Variants in DTX2 observed in about 807,000 individuals in gnomAD.
DTX2 encodes probable E3 ubiquitin-protein ligase DTX2.
Under a neutral mutation model 55.3 loss-of-function variants are expected in DTX2, and 29 were observed. The ratio of observed to expected loss-of-function variants is 0.52; its 90% CI spans 0.39 to 0.71. DTX2 has a LOEUF of 0.71. Among genes scored for constraint, DTX2 ranks in the 30% least tolerant of loss-of-function variants. The pLI is 0.00. For missense variants in DTX2, 537 were observed against 822.5 expected, an observed-to-expected ratio of 0.65 and a Z score of 4.25; for synonymous variants, 276 against 340.4, an observed-to-expected ratio of 0.81 and a Z score of 2.08.
intron 5 of DTX2, among the ~76,000 whole-genome samples, chr7:76,495,368 T>C (rs150348976): frequency 0.63 from 91,117 of 145,128 alleles, 28,966 homozygotes; most frequent in African/African-American, 0.75. Flanking sequence ...GGGGCTTCAC[T>C]CTTCAGGGCT....
At chr7:76,499,708 A>G (rs1391872859) in intron 6 of DTX2, 1 of 165,862 alleles carries the variant, frequency 6.0e-6, no homozygotes, top group Non-Finnish European at 1.3e-5. Flanking sequence ...GATCCTCACC[A>G]GCTCAGGAGC....
intron 4 of DTX2, among the ~76,000 whole-genome samples, chr7:76,486,735 C>T (rs1809940932): frequency 8.1e-6 from 1 of 122,704 alleles, no homozygotes; most frequent in Non-Finnish European, 1.7e-5. Context: ...TTATGACCAG[C>T]AGTCTGTCAC....
Position 76,505,899 on chromosome 7 carries a change from G to A in DTX2, c.*298G>A. The A allele has an allele frequency of 5.4e-6, 3 of 550,656 alleles. No individual in the cohort carries two copies. Among genetic ancestry groups the A allele is most frequent in the Middle Eastern group, 3.0e-4 (1 of 3,350 alleles). 34.1% of individuals were successfully genotyped at this position (550,656 alleles called of 1,614,324 possible). ...CGCGGTGCTCGGGGCCTGGTGTGGG[G>A]CGAGTAGAGACTTCCCCAGCCTGGA... On this transcript the variant is annotated 3_prime_UTR_variant, in exon 11 of 11. Coordinates refer to ENST00000430490, the MANE Select transcript of DTX2 (RefSeq NM_001102594.3). The surrounding 1 kb of genome is among the most constrained non-coding windows in gnomAD (Gnocchi z 4.4).
intron 2 of DTX2, among the ~76,000 whole-genome samples, chr7:76,469,760 C>A (rs1164457395): frequency 6.7e-6 from 1 of 149,764 alleles, no homozygotes; most frequent in Non-Finnish European, 1.5e-5. Context: ...AAGCAAAACA[C>A]ATCTACAGGC....
In DTX2 at chr7:76,481,229, T is replaced by C. The variant is rs563038526; in HGVS notation, c.268+452T>C. Among the ~76,000 whole-genome samples, 38 of 151,554 alleles carry C rather than the reference T, an allele frequency of 2.5e-4. No homozygotes were observed. In the East Asian group the frequency reaches 4.7e-3, roughly 19 times the overall value. On this transcript the variant is annotated intron_variant, in intron 3 of 10. Transcript: ENST00000430490. ...TGAGACGGAGTCTGGCTCTGTTGCC[T>C]AAACTGGAGTGCAGTGGCGCAGTCT...
chr7:76,464,199 G>C (rs1282565439), intron 2 of DTX2, among the ~76,000 whole-genome samples: 80 of 151,558 alleles, frequency 5.3e-4, no homozygotes, highest in Non-Finnish European at 1.5e-5. Context: ...TGGTAGTTGA[G>C]GGGGGTTGTG....
At position 76,463,531 on chromosome 7, in the gene DTX2, C is replaced by T. The variant is rs1806839314; in HGVS notation, c.-254-14C>T. Reference sequence around the variant, plus strand: ...TAATTTAAAACCTGATCATCTTCTTCCTCGTTGGCAAAGGTGCCTTGGAAT... The same window carrying T: ...TAATTTAAAACCTGATCATCTTCTTTCTCGTTGGCAAAGGTGCCTTGGAAT... On this transcript the variant is annotated splice_polypyrimidine_tract_variant and intron_variant, in intron 1 of 10. Transcript: ENST00000430490. 1 of 150,742 alleles carries T rather than the reference C, an allele frequency of 6.6e-6. No individual in the cohort carries two copies. The highest frequency in any genetic ancestry group is 1.5e-5 in the Non-Finnish European group (1 of 67,616). The allele number at this position is 150,742 out of a possible 1,614,324, so 9.3% of individuals were successfully genotyped here.
chr7:76,471,795 G>A (rs1490526559), intron 2 of DTX2, among the ~76,000 whole-genome samples: 1 of 151,382 alleles, frequency 6.6e-6, no homozygotes, highest in Non-Finnish European at 1.5e-5. Flanking sequence ...CTTCTGACTG[G>A]CTGCAGGTGG....
At chr7:76,476,672 T>A (rs1286337010) in intron 2 of DTX2, among the ~76,000 whole-genome samples, 4 of 150,996 alleles carry the variant, frequency 2.6e-5, no homozygotes. Flanking sequence ...GCGTGTTTGC[T>A]TGGGGGCTGG....
chr7:76,481,922 T>A lies in DTX2; in HGVS notation c.269-586T>A, dbSNP rs149515676. On this transcript the variant is annotated intron_variant, in intron 3 of 10. Coordinates refer to ENST00000430490, the MANE Select transcript of DTX2 (RefSeq NM_001102594.3). ...TGTGTTGCCCAGGCTGGTCTTCAACTCCTGAGCTCAAGTGATCCTCCTGCC... is the reference window on the plus strand; with the variant it reads ...TGTGTTGCCCAGGCTGGTCTTCAACACCTGAGCTCAAGTGATCCTCCTGCC... Among the ~76,000 whole-genome samples, 1,621 of 151,738 alleles carry A rather than the reference T, an allele frequency of 0.011. 76 individuals are homozygous for A. The East Asian group carries it at 0.13, about 12-fold the overall frequency.
At chr7:76,463,134 C>G in intron 1 of DTX2, among the ~76,000 whole-genome samples, 1 of 150,588 alleles carries the variant, frequency 6.6e-6, no homozygotes, top group East Asian at 2.0e-4. Context: ...GGCTCAGAGC[C>G]AGGCGTGGTG....
rs1204779121 is a variant in DTX2 at position 76,494,973 on chromosome 7, G to T, written c.1010-2364G>T. ...TTGCGCACAGGCTTTTTGCAGAGAGGTTTATAACCAGGAGGTCATGCTTTG... is the reference window on the plus strand; with the variant it reads ...TTGCGCACAGGCTTTTTGCAGAGAGTTTTATAACCAGGAGGTCATGCTTTG... On this transcript the variant is annotated intron_variant, in intron 5 of 10. Transcript: ENST00000430490. 2.4e-5 allele frequency among the ~76,000 whole-genome samples: 3 copies of T among 125,400 alleles called. 1 individual carries two copies. The highest frequency in any genetic ancestry group is 9.3e-5 in the African/African-American group (3 of 32,220). 82.3% of individuals were successfully genotyped at this position (125,400 alleles called of 152,430 possible). A position where few individuals can be genotyped will look rare whatever the true frequency, so the allele number is the denominator to read the frequency against.
chr7:76,502,201 C>T (rs1584251189), intron 7 of DTX2, 97 bp from the exon 8 acceptor site: 1 of 1,026,854 alleles, frequency 9.7e-7, no homozygotes, highest in Non-Finnish European at 1.4e-6. Context: ...GACTGCACTT[C>T]CAGCATTTCA....
intron 2 of DTX2, among the ~76,000 whole-genome samples, chr7:76,468,758 ATTTTTTT>A (rs3972784): frequency 7.4e-5 from 2 of 27,044 alleles, no homozygotes; most frequent in Admixed American, 5.3e-4. Flanking sequence ...CACGCCCAGC[ATTTTTTT>A]TTTTTTTTTT....
chr7:76,502,059 G>A, intron 7 of DTX2: 1 of 497,100 alleles, frequency 2.0e-6, no homozygotes, highest in Non-Finnish European at 3.6e-6. Flanking sequence ...GCTAATTTTT[G>A]TATTCTTAGT....
Position 76,480,521 on chromosome 7 carries a change from CCCAAG to C in DTX2, c.15_19del (p.Ser6PhefsTer71). ...GACTCCTTGGGAAGATGGCCATGGC[CCCAAG>C]CCCTTCCCTGGTGCAGGTGTACACC... On this transcript the variant is annotated frameshift_variant, in exon 3 of 11. Coordinates refer to ENST00000430490, the MANE Select transcript of DTX2 (RefSeq NM_001102594.3). LOFTEE classifies it high-confidence loss of function. 6.2e-7 allele frequency: 1 copy of C among 1,603,456 alleles called. No individual in the cohort carries two copies. Among genetic ancestry groups the C allele is most frequent in the Non-Finnish European group, 8.5e-7 (1 of 1,174,950 alleles).
Position 76,479,910 on chromosome 7 carries a change from G to A in DTX2, c.-89-511G>A, listed in dbSNP as rs539504901. Among the ~76,000 whole-genome samples the A allele has an allele frequency of 6.4e-4, 97 of 150,850 alleles. 1 individual carries two copies. The highest frequency in any genetic ancestry group is 2.3e-3 in the African/African-American group (95 of 40,756). On this transcript the variant is annotated intron_variant, in intron 2 of 10. Transcript: ENST00000430490. ...CTCTTTCTTCATGGGCCTGTGCGGC[G>A]GTACGTAGGCTGCGGGATTGACTTT...
intron 7 of DTX2, chr7:76,502,005 G>A: frequency 4.9e-6 from 2 of 412,066 alleles, no homozygotes; most frequent in Non-Finnish European, 8.5e-6. Flanking sequence ...TCTTGCCTCA[G>A]CCTCCCGAGT....
chr7:76,482,579 T>C lies in DTX2; in HGVS notation c.340T>C (p.Trp114Arg). Residue 114 changes from tryptophan (W) to arginine (R), a missense_variant, in exon 4 of 11, where the codon TGG becomes CGG. By Grantham distance (101) the Trp-to-Arg change is moderately radical. This residue lies in a region of DTX2 where 301 missense variants were observed against 396.6 expected (regional missense o/e 0.76). Transcript: ENST00000430490. Reference sequence around the variant, plus strand: ...CCCTGGCCGAGGTGTCGTCTGGGAGTGGCTGAGCGACGATGGCTCCTGGAC... The same window carrying C: ...CCCTGGCCGAGGTGTCGTCTGGGAGCGGCTGAGCGACGATGGCTCCTGGAC... Reference protein sequence around the residue: ...SAPGRGVVWEWLSDDGSWTAY... With the variant: ...SAPGRGVVWERLSDDGSWTAY... The C allele has an allele frequency of 6.2e-7, 1 of 1,612,774 alleles. No individual in the cohort carries two copies. Among genetic ancestry groups the C allele is most frequent in the Non-Finnish European group, 8.5e-7 (1 of 1,179,500 alleles).
Sources: gnomAD v4.1 joint callset for allele counts (sites outside exome capture counted in the v4.1 genomes callset) on GRCh38, gnomAD v4.1.1 for gene constraint, gnomAD v4.1.1 regional missense constraint, Gnocchi (gnomAD v3.1) non-coding constraint, MANE v1.5 for transcripts, NCBI Gene and HGNC (gene_info 2026-07-23, HGNC 2026-07-21) for gene names.